PDZRN3: variants seen among roughly 807,000 people sequenced by gnomAD.
The protein encoded by PDZRN3 is E3 ubiquitin-protein ligase PDZRN3.
PDZRN3 carries 38 observed loss-of-function variants against 85.7 expected under a neutral mutation model. The ratio of observed to expected loss-of-function variants is 0.44; its 90% CI spans 0.34 to 0.58. The LOEUF is 0.58. PDZRN3 is among the 20% of genes least tolerant of loss of function. PDZRN3 has a pLI of 0.01. For synonymous variants in PDZRN3, 759 were observed against 638.0 expected, an observed-to-expected ratio of 1.19 and a Z score of -2.86; for missense variants, 1,629 against 1,506.4, an observed-to-expected ratio of 1.08 and a Z score of -1.35.
chr3:73,558,750 C>T (rs111399019), intron 3 of PDZRN3, among the ~76,000 whole-genome samples: 90 of 152,302 alleles, frequency 5.9e-4, no homozygotes, highest in African/African-American at 2.0e-3. Context: ...AGAGGGTAAA[C>T]GAAGAACTGT....
At chr3:73,549,305 T>G (rs995866666) in intron 3 of PDZRN3, among the ~76,000 whole-genome samples, 10 of 152,190 alleles carry the variant, frequency 6.6e-5, no homozygotes, top group Non-Finnish European at 5.9e-5. Flanking sequence ...GTCTGTCAAA[T>G]GGATAGAATA....
intron 3 of PDZRN3, among the ~76,000 whole-genome samples, chr3:73,460,846 TGCAGTGGC>T (rs946263666): frequency 2.0e-5 from 3 of 152,190 alleles, no homozygotes; most frequent in Admixed American, 6.5e-5. Context: ...CAGGCTGTAG[TGCAGTGGC>T]ACAATCTCGG....
intron 2 of PDZRN3, among the ~76,000 whole-genome samples, chr3:73,604,051 A>T (rs1702557761): frequency 6.6e-6 from 1 of 152,184 alleles, no homozygotes; most frequent in South Asian, 2.1e-4. Flanking sequence ...CTCTTCCAAG[A>T]GAAGGGTCAG....
chr3:73,450,637 G>C (rs897656128), intron 3 of PDZRN3, among the ~76,000 whole-genome samples: 1 of 152,116 alleles, frequency 6.6e-6, no homozygotes, highest in Non-Finnish European at 1.5e-5. Flanking sequence ...TCCAAATTGA[G>C]CAAAAAATGT....
At chr3:73,435,148 G>A (rs957594146) in intron 3 of PDZRN3, among the ~76,000 whole-genome samples, 1 of 152,200 alleles carries the variant, frequency 6.6e-6, no homozygotes, top group Non-Finnish European at 1.5e-5. Context: ...AGACACACCT[G>A]AGACGTGAAT....
intron 3 of PDZRN3, among the ~76,000 whole-genome samples, chr3:73,560,335 G>T (rs1701790444): frequency 6.6e-6 from 1 of 152,144 alleles, no homozygotes; most frequent in Non-Finnish European, 1.5e-5. Context: ...CAGAGGCCAG[G>T]AAAGAGAGAG....
At chr3:73,494,612 T>G (rs4615026) in intron 3 of PDZRN3, among the ~76,000 whole-genome samples, 65,262 of 152,102 alleles carry the variant, frequency 0.43, 15,779 homozygotes, top group East Asian at 0.69. Context: ...CAATTGTATA[T>G]AAATTGTTTT....
chr3:73,511,761 A>C (rs1207687619), intron 3 of PDZRN3, among the ~76,000 whole-genome samples: 1 of 152,240 alleles, frequency 6.6e-6, no homozygotes, highest in African/African-American at 2.4e-5. Flanking sequence ...GCCGCATCTA[A>C]AACAGACACC....
intron 3 of PDZRN3, among the ~76,000 whole-genome samples, chr3:73,423,085 G>A (rs992053502): frequency 4.6e-5 from 7 of 152,108 alleles, no homozygotes; most frequent in African/African-American, 1.7e-4. Context: ...TAGATAAAAG[G>A]AACTTAATTT....
intron 3 of PDZRN3, among the ~76,000 whole-genome samples, chr3:73,482,363 G>A (rs1703579551): frequency 6.6e-6 from 1 of 152,076 alleles, no homozygotes; most frequent in Non-Finnish European, 1.5e-5. Context: ...ACAAAGAAAA[G>A]GAGATAAATC....
intron 8 of PDZRN3, among the ~76,000 whole-genome samples, chr3:73,387,741 T>G (rs1346490387): frequency 6.6e-6 from 1 of 152,156 alleles, no homozygotes; most frequent in African/African-American, 2.4e-5. Context: ...GATCCCTGCA[T>G]TAATGAACGT....
intron 3 of PDZRN3, among the ~76,000 whole-genome samples, chr3:73,417,238 A>C (rs1702110358): frequency 1.3e-5 from 2 of 152,146 alleles, no homozygotes; most frequent in Non-Finnish European, 1.5e-5. Flanking sequence ...TGGCATTATC[A>C]TGGGTGATTT....
At position 73,613,584 on chromosome 3, in the gene PDZRN3, C is replaced by T. The variant is rs193114097; in HGVS notation, c.724-4900G>A. 1.1e-4 allele frequency among the ~76,000 whole-genome samples: 16 copies of T among 152,144 alleles called. No homozygotes were observed. The East Asian group carries it at 2.3e-3, about 22-fold the overall frequency. On this transcript the variant is annotated intron_variant, in intron 1 of 9. Coordinates refer to ENST00000263666, the MANE Select transcript of PDZRN3 (RefSeq NM_015009.3). ...ATTGGTACGAAAAGAAGGTGAAGAA[C>T]AGAGGAAAAACAACAAATGGAAATG...
At chr3:73,446,143 A>C (rs1379838234) in intron 3 of PDZRN3, among the ~76,000 whole-genome samples, 1 of 152,222 alleles carries the variant, frequency 6.6e-6, no homozygotes, top group Non-Finnish European at 1.5e-5. Flanking sequence ...GAACATTAAC[A>C]GCTTATTTCA....
intron 1 of PDZRN3, among the ~76,000 whole-genome samples, chr3:73,621,162 C>CTAAG (rs1318858266): frequency 6.6e-6 from 1 of 152,186 alleles, no homozygotes; most frequent in East Asian, 1.9e-4. Context: ...TCCAATCACG[C>CTAAG]TAAGGCTTGA....
intron 3 of PDZRN3, among the ~76,000 whole-genome samples, chr3:73,479,457 A>AG (rs1330085916): frequency 6.6e-6 from 1 of 151,738 alleles, no homozygotes; most frequent in Non-Finnish European, 1.5e-5. Flanking sequence ...ATAACTCTCC[A>AG]GGAATACCGA....
intron 3 of PDZRN3, among the ~76,000 whole-genome samples, chr3:73,455,707 T>C (rs1702963496): frequency 1.3e-5 from 2 of 152,238 alleles, no homozygotes; most frequent in Admixed American, 6.5e-5. Context: ...GTTTAAATAA[T>C]AATAGATCGT....
intron 3 of PDZRN3, among the ~76,000 whole-genome samples, chr3:73,515,881 T>C (rs1451197222): frequency 1.3e-5 from 2 of 152,258 alleles, no homozygotes; most frequent in Non-Finnish European, 2.9e-5. Flanking sequence ...ACCAGGCCTA[T>C]GCACATACCT....
chr3:73,620,646 C>G (rs35907651), intron 1 of PDZRN3, among the ~76,000 whole-genome samples: 90,777 of 150,456 alleles, frequency 0.6, 27,482 homozygotes, highest in East Asian at 0.7. Flanking sequence ...GCACTATCTC[C>G]GCTTACTGCA....
Sources: gnomAD v4.1 joint callset for allele counts (sites outside exome capture counted in the v4.1 genomes callset) on GRCh38, gnomAD v4.1.1 for gene constraint, MANE v1.5 for transcripts, NCBI Gene and HGNC (gene_info 2026-07-23, HGNC 2026-07-21) for gene names.